The following REC114 variants were observed in gnomAD, a reference collection of about 807,000 sequenced individuals.
The protein encoded by REC114 is meiotic recombination protein REC114.
Under a neutral mutation model 31.3 loss-of-function variants are expected in REC114, and 27 were observed. The observed-to-expected ratio is 0.86, with a 90% CI of 0.64 to 1.19. The LOEUF is 1.19. Among genes scored for constraint, REC114 ranks in the 50% most tolerant of loss-of-function variants. REC114 has a pLI of 0.00. For missense variants in REC114, 344 were observed against 326.9 expected (o/e 1.05, Z -0.40); for synonymous variants, 134 against 127.7 (o/e 1.05, Z -0.33).
chr15:73,509,074 G>C (rs1192203091), intron 2 of REC114, among the ~76,000 whole-genome samples: 4 of 152,070 alleles, frequency 2.6e-5, no homozygotes, highest in South Asian at 4.2e-4. Context: ...GTGTAAAAGT[G>C]TTCCCGTTTC....
intron 3 of REC114, among the ~76,000 whole-genome samples, chr15:73,542,835 G>A (rs1190837579): frequency 6.6e-6 from 1 of 152,072 alleles, no homozygotes; most frequent in African/African-American, 2.4e-5. Flanking sequence ...GTTATTGTTT[G>A]GATGCACTAG....
At chr15:73,492,229 T>C (rs1893457076) in intron 2 of REC114, among the ~76,000 whole-genome samples, 1 of 152,220 alleles carries the variant, frequency 6.6e-6, no homozygotes, top group Admixed American at 6.5e-5. Flanking sequence ...ATAGTTTCCC[T>C]GTTTATGTAC....
intron 4 of REC114, among the ~76,000 whole-genome samples, chr15:73,551,522 G>A (rs1255293158): frequency 1.3e-5 from 2 of 152,082 alleles, no homozygotes; most frequent in African/African-American, 2.4e-5. Context: ...CAAAGGCATC[G>A]TAAGGCTGCT....
intron 2 of REC114, among the ~76,000 whole-genome samples, chr15:73,509,768 T>C (rs913884336): frequency 1.5e-4 from 22 of 151,254 alleles, no homozygotes; most frequent in South Asian, 4.2e-4. Context: ...GCGGCGTTAT[T>C]TCTGAGGGCT....
chr15:73,463,462 C>T (rs1367782806), intron 1 of REC114, among the ~76,000 whole-genome samples: 2 of 152,114 alleles, frequency 1.3e-5, no homozygotes, highest in African/African-American at 4.8e-5. Context: ...AGAGGTTACC[C>T]GGTGGTTGGT....
intron 2 of REC114, among the ~76,000 whole-genome samples, chr15:73,514,738 C>T (rs1567882765): frequency 6.6e-6 from 1 of 151,764 alleles, no homozygotes; most frequent in Admixed American, 6.6e-5. Context: ...AATGTTAAGA[C>T]AGCAAAATTC....
intron 2 of REC114, among the ~76,000 whole-genome samples, chr15:73,511,378 T>A (rs895356560): frequency 6.6e-5 from 10 of 152,080 alleles, no homozygotes; most frequent in Non-Finnish European, 1.2e-4. Flanking sequence ...ATTTTGTTGA[T>A]CCTTTCAAAA....
intron 3 of REC114, among the ~76,000 whole-genome samples, chr15:73,544,469 T>C (rs1430832185): frequency 1.3e-5 from 2 of 152,216 alleles, no homozygotes; most frequent in African/African-American, 4.8e-5. Flanking sequence ...ATATTTCTTT[T>C]CTCTCTGAAC....
intron 3 of REC114, among the ~76,000 whole-genome samples, chr15:73,549,570 C>G (rs1894360274): frequency 6.6e-6 from 1 of 152,134 alleles, no homozygotes; most frequent in Admixed American, 6.5e-5. Context: ...ATGCCTGTAT[C>G]AAAACATCTC....
chr15:73,491,045 T>G (rs1399854362), intron 2 of REC114, among the ~76,000 whole-genome samples: 2 of 152,222 alleles, frequency 1.3e-5, no homozygotes, highest in Non-Finnish European at 2.9e-5. Flanking sequence ...CTTTTTTTGT[T>G]GATTTGTATT....
intron 2 of REC114, among the ~76,000 whole-genome samples, chr15:73,499,571 G>A (rs914495846): frequency 6.6e-6 from 1 of 152,240 alleles, no homozygotes; most frequent in Non-Finnish European, 1.5e-5. Flanking sequence ...ATCTCCCACT[G>A]ATCACTTTCT....
intron 2 of REC114, among the ~76,000 whole-genome samples, chr15:73,525,530 G>T: frequency 6.7e-6 from 1 of 150,298 alleles, no homozygotes. Context: ...TTTCTATGTT[G>T]TATTTTCATT....
At position 73,443,211 on chromosome 15, in the gene REC114, T is replaced by G. The variant is rs1303215369; in HGVS notation, c.26T>G (p.Leu9Trp). Residue 9 changes from leucine (L) to tryptophan (W), a missense_variant, in exon 1 of 6, where the codon TTG becomes TGG. Physicochemically the swap from Leu to Trp is moderately conservative, Grantham distance 61 (BLOSUM62 -2). Coordinates refer to ENST00000331090, the MANE Select transcript of REC114 (RefSeq NM_001042367.2). ...ATGGCGGAGGCAGGAAAAGTGCCCT[T>G]GAGCCTCGGGCTTACCGGAGGAGAA... MAEAGKVP[L>W]SLGLTGGEAA... is the part of the protein sequence containing the mutation. 1.3e-6 allele frequency: 2 copies of G among 1,574,706 alleles called. No individual in the cohort carries two copies. Among genetic ancestry groups the G allele is most frequent in the Admixed American group, 1.9e-5 (1 of 53,710 alleles).
intron 1 of REC114, among the ~76,000 whole-genome samples, chr15:73,468,683 T>G (rs1567855760): frequency 6.6e-6 from 1 of 151,414 alleles, no homozygotes; most frequent in African/African-American, 2.4e-5. Flanking sequence ...CTGTAGTTTT[T>G]TTTTTTTTTT....
intron 1 of REC114, among the ~76,000 whole-genome samples, chr15:73,459,045 A>G (rs1751619075): frequency 6.6e-6 from 1 of 152,196 alleles, no homozygotes; most frequent in African/African-American, 2.4e-5. Context: ...TAATTATTGT[A>G]TGTTAATACC....
chr15:73,535,255 C>A (rs1485197202), intron 2 of REC114, among the ~76,000 whole-genome samples: 1 of 150,690 alleles, frequency 6.6e-6, no homozygotes, highest in Non-Finnish European at 1.5e-5. Context: ...TGTTTGCAGA[C>A]GACGTGATTG....
intron 4 of REC114, 71 bp from the exon 5 acceptor site, chr15:73,556,231 G>A (rs1453389034): frequency 3.8e-6 from 5 of 1,303,186 alleles, no homozygotes; most frequent in Non-Finnish European, 4.3e-6. Context: ...GCATATTTCT[G>A]CTCTTTAATG....
At chr15:73,507,205 A>C (rs1166324065) in intron 2 of REC114, among the ~76,000 whole-genome samples, 2 of 152,262 alleles carry the variant, frequency 1.3e-5, no homozygotes, top group African/African-American at 4.8e-5. Context: ...ACAGAAGTGG[A>C]AACTATGTAT....
chr15:73,484,287 G>A (rs1893336519), intron 2 of REC114, among the ~76,000 whole-genome samples: 1 of 152,000 alleles, frequency 6.6e-6, no homozygotes, highest in South Asian at 2.1e-4. Context: ...TTTTCTTGGA[G>A]CACAGAGCTC....
Sources: gnomAD v4.1 joint callset for allele counts (sites outside exome capture counted in the v4.1 genomes callset) on GRCh38, gnomAD v4.1.1 for gene constraint, MANE v1.5 for transcripts, NCBI Gene and HGNC (gene_info 2026-07-23, HGNC 2026-07-21) for gene names.